NT5DC4: variants seen among roughly 807,000 people sequenced by gnomAD.
NT5DC4 encodes 5'-nucleotidase domain containing 4.
Under a neutral mutation model 26.6 loss-of-function variants are expected in NT5DC4, and 44 were observed. That is an observed-to-expected ratio of 1.65 (90% CI 1.30 to 2.13). The LOEUF (loss-of-function observed/expected upper bound fraction) is 2.13. Among genes scored for constraint, NT5DC4 ranks in the 30% most tolerant of loss-of-function variants. The pLI, the probability that NT5DC4 is intolerant of heterozygous loss-of-function variation, is 0.00. For synonymous variants in NT5DC4, 157 were observed against 86.7 expected, an observed-to-expected ratio of 1.81 and a Z score of -4.51; for missense variants, 399 against 228.1, an observed-to-expected ratio of 1.75 and a Z score of -4.83.
intron 16 of NT5DC4, among the ~76,000 whole-genome samples, chr2:112,735,851 A>G (rs1679088849): frequency 6.6e-6 from 1 of 152,166 alleles, no homozygotes; most frequent in Non-Finnish European, 1.5e-5. Flanking sequence ...CCATTTTGAA[A>G]CTTATAATTA....
rs544721542 is a variant in NT5DC4 at position 112,726,677 on chromosome 2, G to A, written c.1206-1G>A. The A allele has an allele frequency of 1.1e-5, 8 of 717,518 alleles. No homozygotes were observed. The African/African-American group carries it at 1.2e-4, about 11-fold the overall frequency. The allele number at this position is 717,518 out of a possible 1,614,324, so 44.4% of individuals were successfully genotyped here. ...GGGTCACCTAGCTATTTTTGTACCAGGCACATGGATGGGAGCAGTTGTGAG... is the reference window on the plus strand; with the variant it reads ...GGGTCACCTAGCTATTTTTGTACCAAGCACATGGATGGGAGCAGTTGTGAG... On this transcript the variant is annotated splice_acceptor_variant, in intron 14 of 16. Coordinates refer to ENST00000688554, the MANE Select transcript of NT5DC4 (RefSeq NM_001393655.1). LOFTEE classifies it high-confidence loss of function.
At chr2:112,722,840 A>G in intron 6 of NT5DC4, 69 bp downstream of exon 6, 1 of 699,150 alleles carries the variant, frequency 1.4e-6, no homozygotes, top group Non-Finnish European at 2.6e-6. Context: ...AACCCCAAAG[A>G]GGGGCCCCCC....
At chr2:112,731,592 T>G (rs2104784690) in intron 16 of NT5DC4, 1 of 152,310 alleles carries the variant, frequency 6.6e-6, no homozygotes, top group Non-Finnish European at 1.5e-5. Flanking sequence ...TTAAAACACA[T>G]AAAAAGTCAT....
Position 112,725,557 on chromosome 2 carries a change from G to C in NT5DC4, c.1153+5G>C. 1 of 701,776 alleles carries C rather than the reference G, an allele frequency of 1.4e-6. No individual in the cohort carries two copies. Among genetic ancestry groups the C allele is most frequent in the Non-Finnish European group, 2.7e-6 (1 of 374,140 alleles). 43.5% of individuals were successfully genotyped at this position (701,776 alleles called of 1,614,324 possible). On this transcript the variant is annotated splice_donor_5th_base_variant and intron_variant, in intron 13 of 16. Coordinates refer to ENST00000688554, the MANE Select transcript of NT5DC4 (RefSeq NM_001393655.1). ...ACATCTGGGCCCAGGAGAAGGGTGA[G>C]CTGTTGGGGTCTGGAACAGTCAGAG...
intron 16 of NT5DC4, chr2:112,737,252 C>G (rs1456318987): frequency 6.6e-6 from 1 of 152,120 alleles, no homozygotes; most frequent in Non-Finnish European, 1.5e-5. Context: ...CATACTTACT[C>G]AGAAGAGGGT....
At chr2:112,742,818 A>C (rs1289612303), downstream of NT5DC4, 2 of 1,358,988 alleles carry the variant, frequency 1.5e-6, no homozygotes, top group Non-Finnish European at 2.1e-6. Context: ...ATTCATGCAA[A>C]AAATTTGCTA....
chr2:112,719,840 T>TCCCTCCCTCCC (rs1676656785), upstream of NT5DC4, among the ~76,000 whole-genome samples: 14 of 78,334 alleles, frequency 1.8e-4, no homozygotes, highest in Non-Finnish European at 3.7e-4. Flanking sequence ...CCTTCCTTCC[T>TCCCTCCCTCCC]TCCCTCCCTC....
At chr2:112,742,070 G>T (rs541800020), downstream of NT5DC4, among the ~76,000 whole-genome samples, 4 of 151,012 alleles carry the variant, frequency 2.6e-5, no homozygotes, top group Middle Eastern at 3.2e-3. Flanking sequence ...GATTACAGGC[G>T]TGAGCTACCG....
In NT5DC4 at chr2:112,723,361, GCACACACA is replaced by G. The variant is rs36112869; in HGVS notation, c.622-30_622-23del. On this transcript the variant is annotated intron_variant, in intron 7 of 16. Transcript: ENST00000688554. ...CACAGACATGTGGGTGGGTACACAT[GCACACACA>G]CACACACACACACACACACACACAC... 1.0e-4 allele frequency: 65 copies of G among 638,364 alleles called. 1 individual carries two copies. The highest frequency in any genetic ancestry group is 4.0e-4 in the African/African-American group (20 of 50,596). The allele number at this position is 638,364 out of a possible 1,614,324, so 39.5% of individuals were successfully genotyped here.
intron 14 of NT5DC4, 38 bp from the exon 15 acceptor site, chr2:112,726,640 T>G (rs1367677352): frequency 2.8e-6 from 2 of 717,360 alleles, no homozygotes; most frequent in Admixed American, 4.0e-5. Context: ...TCGGAGGCTC[T>G]GTGCCTCCCC....
At chr2:112,732,760 CT>C (rs1678635071) in intron 16 of NT5DC4, among the ~76,000 whole-genome samples, 1 of 152,160 alleles carries the variant, frequency 6.6e-6, no homozygotes, top group African/African-American at 2.4e-5. Flanking sequence ...GCCAAAGGGC[CT>C]TTCTTGTGCT....
upstream of NT5DC4, among the ~76,000 whole-genome samples, chr2:112,719,769 C>A (rs1168805566): frequency 1.3e-5 from 2 of 151,874 alleles, no homozygotes; most frequent in East Asian, 3.9e-4. Context: ...CAGGTGTGAG[C>A]CACTGCGCCA....
At position 112,725,222 on chromosome 2, in the gene NT5DC4, T is replaced by C. The variant is rs1344833677; in HGVS notation, c.964T>C (p.Cys322Arg). Residue 322 changes from cysteine to arginine, a missense_variant, in exon 12 of 17, where the codon TGT becomes CGT. Coordinates refer to ENST00000688554, the MANE Select transcript of NT5DC4 (RefSeq NM_001393655.1). ...VGTYTGPHQH[C>R]AVYSGGSSDM... ...CACCTACACAGGGCCCCACCAGCAC[T>C]GTGCTGTCTACTCTGGAGGTACCAG... The C allele has an allele frequency of 1.4e-6, 1 of 714,118 alleles. No individual in the cohort carries two copies. Among genetic ancestry groups the C allele is most frequent in the Non-Finnish European group, 2.6e-6 (1 of 382,626 alleles). The allele number at this position is 714,118 out of a possible 1,614,324, so 44.2% of individuals were successfully genotyped here.
chr2:112,721,778 G>A (rs1415525321), intron 1 of NT5DC4, 40 bp from the exon 2 acceptor site: 2 of 717,132 alleles, frequency 2.8e-6, no homozygotes, highest in East Asian at 5.4e-5. Flanking sequence ...ATTCTGGGGG[G>A]CTGGTGGACT....
At chr2:112,742,432 T>A (rs948529759), downstream of NT5DC4, 3 of 717,684 alleles carry the variant, frequency 4.2e-6, no homozygotes, top group Non-Finnish European at 7.8e-6. Flanking sequence ...CAAAGAGCTG[T>A]TTGTCTTCTG....
At chr2:112,742,639 A>G (rs553122925), downstream of NT5DC4, 22 of 1,057,438 alleles carry the variant, frequency 2.1e-5, no homozygotes, top group South Asian at 8.1e-5. Context: ...TCTTTTTCCT[A>G]TATGTCCTGG....
In NT5DC4 at chr2:112,721,056, GCCT is replaced by G. The variant is rs1321922995; in HGVS notation, c.-16_-14del. On this transcript the variant is annotated 5_prime_UTR_variant, in exon 1 of 17. Coordinates refer to ENST00000688554, the MANE Select transcript of NT5DC4 (RefSeq NM_001393655.1). Reference sequence around the variant, plus strand: ...GCAGGAGGCTGAGGAAGGGACACTTGCCTCCTCCTCACTCTGGGTGACGATGGC... The same window carrying G: ...GCAGGAGGCTGAGGAAGGGACACTTGCCTCCTCACTCTGGGTGACGATGGC... Among the ~76,000 whole-genome samples the G allele has an allele frequency of 6.6e-6, 1 of 152,150 alleles. No homozygotes were observed. Among genetic ancestry groups the G allele is most frequent in the Non-Finnish European group, 1.5e-5 (1 of 68,018 alleles).
At position 112,725,191 on chromosome 2, in the gene NT5DC4, C is replaced by T. The variant is rs769094639; in HGVS notation, c.933C>T (p.His311=). The T allele has an allele frequency of 7.0e-6, 5 of 716,202 alleles. No homozygotes were observed. Among genetic ancestry groups the T allele is most frequent in the East Asian group, 2.7e-5 (1 of 37,206 alleles). The allele number at this position is 716,202 out of a possible 1,614,324, so 44.4% of individuals were successfully genotyped here. A position where few individuals can be genotyped will look rare whatever the true frequency, so the allele number is the denominator to read the frequency against. ...MAGAEDSGKL[H]VGTYTGPHQH... is the part of the protein sequence containing the mutation. ...CCCTCCAGGACTCAGGAAAGCTCCA[C>T]GTGGGCACCTACACAGGGCCCCACC... Residue 311 remains histidine, a synonymous_variant, in exon 12 of 17, where the codon CAC becomes CAT. Coordinates refer to ENST00000688554, the MANE Select transcript of NT5DC4 (RefSeq NM_001393655.1).
chr2:112,729,811 G>C, intron 16 of NT5DC4, 107 bp downstream of exon 16: 4 of 671,426 alleles, frequency 6.0e-6, no homozygotes, highest in South Asian at 3.2e-5. Flanking sequence ...CAATTGGTGG[G>C]GGGGCTTGTG....
Sources: allele counts gnomAD v4.1 joint callset (sites outside exome capture counted in the v4.1 genomes callset), GRCh38; gene constraint gnomAD v4.1.1; transcripts MANE v1.5; gene names NCBI Gene and HGNC (gene_info 2026-07-23, HGNC 2026-07-21).